The following PIM3 variants were observed in gnomAD, a reference collection of about 807,000 sequenced individuals.
PIM3 encodes Pim-3 proto-oncogene, serine/threonine kinase.
Under a neutral mutation model 27.5 loss-of-function variants are expected in PIM3, and 13 were observed. That is an observed-to-expected ratio of 0.47 (90% CI 0.31 to 0.75). The LOEUF (loss-of-function observed/expected upper bound fraction) is 0.75, where lower values mean the gene tolerates loss of function less well. PIM3 is among the 30% of genes least tolerant of loss of function. The pLI is 0.05. For synonymous variants in PIM3, 341 were observed against 221.1 expected (o/e 1.54, Z -4.81); for missense variants, 482 against 476.9 (o/e 1.01, Z -0.10).
Position 49,961,355 on chromosome 22 carries a change from A to T in PIM3, c.233A>T (p.Glu78Val). The T allele has an allele frequency of 6.5e-7, 1 of 1,530,504 alleles. No individual in the cohort carries two copies. Among genetic ancestry groups the T allele is most frequent in the Non-Finnish European group, 8.7e-7 (1 of 1,143,800 alleles). The allele number at this position is 1,530,504 out of a possible 1,614,324, so 94.8% of individuals were successfully genotyped here. ...VKHVVKERVT[E>V]WGSLGGATVP... ...CACGTGGTGAAGGAGCGGGTGACCG[A>T]GTGGGGCAGCCTGGTAAGTTGGGGC... is the stretch of plus-strand genomic sequence containing the variant. The change falls in exon 3 of 6, where the codon GAG becomes GTG. Residue 78 changes from glutamate to valine, a missense_variant. Glu to Val is a moderately radical substitution (Grantham distance 121). Coordinates refer to ENST00000360612, the MANE Select transcript of PIM3 (RefSeq NM_001001852.4).
At position 49,963,429 on chromosome 22, in the gene PIM3, C is replaced by G. The variant is rs2060920065; in HGVS notation, c.*302C>G. The stretch of plus-strand genomic sequence containing the variant: ...GCGGCCTTCCCATCTGCCTGCCCAC[C>G]CGGAGCTCTTTCCGCCGGCGCAGGG... On this transcript the variant is annotated 3_prime_UTR_variant, in exon 6 of 6. Coordinates refer to ENST00000360612, the MANE Select transcript of PIM3 (RefSeq NM_001001852.4). 3.2e-6 allele frequency: 1 copy of G among 311,594 alleles called. No homozygotes were observed. The highest frequency in any genetic ancestry group is 4.9e-5 in the Admixed American group (1 of 20,364). The allele number at this position is 311,594 out of a possible 1,614,324, so 19.3% of individuals were successfully genotyped here.
Position 49,961,212 on chromosome 22 carries a change from G to A in PIM3, c.173G>A (p.Ser58Asn). 6.5e-7 allele frequency: 1 copy of A among 1,530,868 alleles called. No homozygotes were observed. The highest frequency in any genetic ancestry group is 8.8e-7 in the Non-Finnish European group (1 of 1,142,802). The allele number at this position is 1,530,868 out of a possible 1,614,324, so 94.8% of individuals were successfully genotyped here. A position where few individuals can be genotyped will look rare whatever the true frequency, so the allele number is the denominator to read the frequency against. Residue 58 changes from serine to asparagine, a missense_variant, in exon 2 of 6, where the codon AGC becomes AAC. Ser to Asn is a conservative substitution (Grantham distance 46). Coordinates refer to ENST00000360612, the MANE Select transcript of PIM3 (RefSeq NM_001001852.4). ...SGGFGTVYAG[S>N]RIADGLPVAV... ...GGCTTCGGCACGGTCTACGCGGGTA[G>A]CCGCATCGCCGACGGGCTCCCGGTG...
Position 49,961,105 on chromosome 22 carries a change from C to G in PIM3, c.86-20C>G. On this transcript the variant is annotated intron_variant, in intron 1 of 5. Coordinates refer to ENST00000360612, the MANE Select transcript of PIM3 (RefSeq NM_001001852.4). ...GGGGGCGCCCCGGGCCGCACCAACC[C>G]CGCCCGCGCCTCCCTGCAGCCAAGG... 2.7e-6 allele frequency: 4 copies of G among 1,456,188 alleles called. No homozygotes were observed. The highest frequency in any genetic ancestry group is 3.6e-6 in the Non-Finnish European group (4 of 1,101,536). 90.2% of individuals were successfully genotyped at this position (1,456,188 alleles called of 1,614,324 possible). A position where few individuals can be genotyped will look rare whatever the true frequency, so the allele number is the denominator to read the frequency against.
chr22:49,962,646 C>G, intron 4 of PIM3, 43 bp from the exon 5 acceptor site: 1 of 1,577,632 alleles, frequency 6.3e-7, no homozygotes, highest in Non-Finnish European at 8.6e-7. Flanking sequence ...TGTTGAGCGG[C>G]TCTGCCTCTG....
chr22:49,962,158 G>C (rs969302946), intron 4 of PIM3, among the ~76,000 whole-genome samples: 11 of 152,044 alleles, frequency 7.2e-5, no homozygotes, highest in Non-Finnish European at 1.6e-4. Context: ...GACGCAGGGC[G>C]CAGCCGGGCT....
intron 4 of PIM3, among the ~76,000 whole-genome samples, chr22:49,962,101 C>G (rs944914848): frequency 1.3e-5 from 2 of 152,060 alleles, no homozygotes; most frequent in Admixed American, 1.3e-4. Flanking sequence ...TCCTTCCGGC[C>G]CGAGAGACCC....
rs1448382888 is a variant in PIM3, at chr22:49,963,676, T to C, written c.*549T>C. ...TTATTTCCTCTGAGCAGTCTGCCTC[T>C]CCCAAGCCCCAGGGGACAGTGGGGA... On this transcript the variant is annotated 3_prime_UTR_variant, in exon 6 of 6. Transcript: ENST00000360612. 6.6e-6 allele frequency: 1 copy of C among 152,646 alleles called. No homozygotes were observed. Among genetic ancestry groups the C allele is most frequent in the East Asian group, 1.9e-4 (1 of 5,242 alleles). 9.5% of individuals were successfully genotyped at this position (152,646 alleles called of 1,614,324 possible). A position where few individuals can be genotyped will look rare whatever the true frequency, so the allele number is the denominator to read the frequency against.
At position 49,963,098 on chromosome 22, in the gene PIM3, A is replaced by G. The variant is rs756976447; in HGVS notation, c.952A>G (p.Ser318Gly). Reference sequence around the variant, plus strand: ...CACCCTCGACCCTGATGACGTGGCCAGCACCACGTCCAGCAGCGAGAGCTT... The same window carrying G: ...CACCCTCGACCCTGATGACGTGGCCGGCACCACGTCCAGCAGCGAGAGCTT... ...LCTLDPDDVA[S>G]TTSSSESL The change falls in exon 6 of 6, where the codon AGC (serine) becomes GGC (glycine). Residue 318 changes from serine (S) to glycine (G), a missense_variant. Transcript: ENST00000360612. The G allele has an allele frequency of 5.0e-6, 8 of 1,609,640 alleles. No homozygotes were observed. In the East Asian group the frequency reaches 1.8e-4, roughly 36 times the overall value.
chr22:49,962,130 G>T (rs2060910798), intron 4 of PIM3, among the ~76,000 whole-genome samples: 1 of 152,074 alleles, frequency 6.6e-6, no homozygotes, highest in Non-Finnish European at 1.5e-5. Context: ...GGGCGGTAGC[G>T]GAGGAGTCTC....
In PIM3 at chr22:49,962,979, C is replaced by T. The variant is rs1162150654; in HGVS notation, c.833C>T (p.Pro278Leu). ...QLIRWCLSLR[P>L]SERPSLDQIA... ...ATCCGGTGGTGCCTGTCCCTGCGGC[C>T]CTCAGAGCGGCCGTCGCTGGATCAG... The change falls in exon 6 of 6, where the codon CCC (proline) becomes CTC (leucine). Residue 278 changes from proline to leucine, a missense_variant. Pro to Leu is a moderately conservative substitution (Grantham distance 98, BLOSUM62 -3). Coordinates refer to ENST00000360612, the MANE Select transcript of PIM3 (RefSeq NM_001001852.4). 1 of 1,609,986 alleles carries T rather than the reference C, an allele frequency of 6.2e-7. No homozygotes were observed. The highest frequency in any genetic ancestry group is 8.5e-7 in the Non-Finnish European group (1 of 1,179,668).
chr22:49,962,332 C>T (rs2060912165), intron 4 of PIM3, among the ~76,000 whole-genome samples: 1 of 148,948 alleles, frequency 6.7e-6, no homozygotes, highest in Non-Finnish European at 1.5e-5. Flanking sequence ...CCGCCCCTCC[C>T]TCCTCCCTCC....
chr22:49,963,742 C>T lies in PIM3; in HGVS notation c.*615C>T, dbSNP rs910277867. 1 of 152,438 alleles carries T rather than the reference C, an allele frequency of 6.6e-6. No individual in the cohort carries two copies. Among genetic ancestry groups the T allele is most frequent in the South Asian group, 2.0e-4 (1 of 4,980 alleles). 9.4% of individuals were successfully genotyped at this position (152,438 alleles called of 1,614,324 possible). On this transcript the variant is annotated 3_prime_UTR_variant, in exon 6 of 6. Coordinates refer to ENST00000360612, the MANE Select transcript of PIM3 (RefSeq NM_001001852.4). ...GGCTGTGGTCCAGGGACCCCAGGCC[C>T]TGATTCCTGTGCCTGGCGTCTGTCC...
chr22:49,962,500 G>C (rs1337712705), intron 4 of PIM3, among the ~76,000 whole-genome samples, 189 bp from the exon 5 acceptor site: 2 of 151,824 alleles, frequency 1.3e-5, no homozygotes, highest in Admixed American at 1.3e-4. Context: ...CCGGCGGAGG[G>C]GGACGGCCGG....
intron 4 of PIM3, among the ~76,000 whole-genome samples, chr22:49,962,386 G>T (rs1005129376): frequency 6.7e-6 from 1 of 148,524 alleles, no homozygotes; most frequent in Non-Finnish European, 1.5e-5. Context: ...GCGCCGGGCG[G>T]TAAGGGACCC....
At chr22:49,962,335 C>G (rs1312869948) in intron 4 of PIM3, among the ~76,000 whole-genome samples, 4 of 147,430 alleles carry the variant, frequency 2.7e-5, no homozygotes, top group African/African-American at 7.5e-5. Context: ...CCCCTCCCTC[C>G]TCCCTCCCTC....
In PIM3 at chr22:49,961,383, G is replaced by T. The variant is rs924794300; in HGVS notation, c.246+15G>T. The T allele has an allele frequency of 8.1e-5, 118 of 1,464,284 alleles. No homozygotes were observed. Among genetic ancestry groups the T allele is most frequent in the Admixed American group, 1.5e-4 (5 of 33,920 alleles). The allele number at this position is 1,464,284 out of a possible 1,614,324, so 90.7% of individuals were successfully genotyped here. A position where few individuals can be genotyped will look rare whatever the true frequency, so the allele number is the denominator to read the frequency against. ...GGGGCAGCCTGGTAAGTTGGGGCAC[G>T]GGCGGCGGCGGCGGCGGGGGGCGGG... On this transcript the variant is annotated intron_variant, in intron 3 of 5. Transcript: ENST00000360612.
At chr22:49,962,609 GA>G in intron 4 of PIM3, 79 bp from the exon 5 acceptor site, 1 of 1,462,466 alleles carries the variant, frequency 6.8e-7, no homozygotes, top group Admixed American at 2.0e-5. Flanking sequence ...TGAGGCCAGG[GA>G]GTTAACCAGC....
intron 4 of PIM3, among the ~76,000 whole-genome samples, chr22:49,962,429 A>G (rs1462723067): frequency 1.4e-5 from 2 of 142,078 alleles, no homozygotes; most frequent in Admixed American, 7.0e-5. Context: ...GTAGCCTCAC[A>G]GCGCATCTGT....
At position 49,961,765 on chromosome 22, in the gene PIM3, C is replaced by T. The variant is rs146220002; in HGVS notation, c.570C>T (p.Phe190=). Reference sequence around the variant, plus strand: ...CCGGAGAGCTCAAGCTCATCGACTTCGGTTCGGGTGCGCTGCTCAAGGACA... The same window carrying T: ...CCGGAGAGCTCAAGCTCATCGACTTTGGTTCGGGTGCGCTGCTCAAGGACA... ...LRSGELKLID[F]GSGALLKDTV... Residue 190 remains phenylalanine (F), a synonymous_variant, in exon 4 of 6, where the codon TTC becomes TTT. Coordinates refer to ENST00000360612, the MANE Select transcript of PIM3 (RefSeq NM_001001852.4). 3.1e-4 allele frequency: 498 copies of T among 1,611,936 alleles called. 1 individual carries two copies. Among genetic ancestry groups the T allele is most frequent in the Middle Eastern group, 1.7e-3 (10 of 6,048 alleles).
Sources: allele counts gnomAD v4.1 joint callset (sites outside exome capture counted in the v4.1 genomes callset), GRCh38; gene constraint gnomAD v4.1.1; transcripts MANE v1.5; gene names NCBI Gene and HGNC (gene_info 2026-07-23, HGNC 2026-07-21).